The following SLC5A9 variants were observed in gnomAD, a reference collection of about 807,000 sequenced individuals.
The protein encoded by SLC5A9 is solute carrier family 5 member 9, also known as sodium/glucose cotransporter 4.
Under a neutral mutation model 70.9 loss-of-function variants are expected in SLC5A9, and 59 were observed. The ratio of observed to expected loss-of-function variants is 0.83; its 90% CI spans 0.68 to 1.03. The LOEUF is 1.03. Among genes scored for constraint, SLC5A9 ranks in the 50% least tolerant of loss-of-function variants. The pLI, the probability that SLC5A9 is intolerant of heterozygous loss-of-function variation, is 0.00. For synonymous variants in SLC5A9, 340 were observed against 346.5 expected (o/e 0.98, Z 0.21); for missense variants, 832 against 881.1 (o/e 0.94, Z 0.71).
In SLC5A9 at chr1:48,233,046, AAAAAG is replaced by A. The variant is rs1445380524; in HGVS notation, c.1033+559_1033+563del. Among the ~76,000 whole-genome samples the A allele has an allele frequency of 5.9e-5, 9 of 151,574 alleles. No individual in the cohort carries two copies. In the South Asian group the frequency reaches 8.3e-4, roughly 14 times the overall value. On this transcript the variant is annotated intron_variant, in intron 8 of 13. Transcript: ENST00000438567. ...AGGGAGGGAGGGAGGGAAAGGAAAG[AAAAAG>A]AAAAGAAAAGAAAAAAGAAAAGAAA...
Position 48,237,946 on chromosome 1 carries a change from C to T in SLC5A9, c.1461+99C>T, listed in dbSNP as rs1316821725. 5 of 1,264,154 alleles carry T rather than the reference C, an allele frequency of 4.0e-6. No individual in the cohort carries two copies. In the East Asian group the frequency reaches 1.0e-4, roughly 26 times the overall value. 78.3% of individuals were successfully genotyped at this position (1,264,154 alleles called of 1,614,324 possible). On this transcript the variant is annotated intron_variant, in intron 11 of 13. Transcript: ENST00000438567. ...GTGACCTTGAGAAAATCCACTTCCC[C>T]TCTAGGCTTCCATTTTCCTGACCAC...
At chr1:48,223,575 C>T (rs1299692914) in intron 1 of SLC5A9, among the ~76,000 whole-genome samples, 1 of 152,176 alleles carries the variant, frequency 6.6e-6, no homozygotes, top group Non-Finnish European at 1.5e-5. Flanking sequence ...TGGCACGGTG[C>T]CTGGTGCCCG....
Position 48,245,155 on chromosome 1 carries a change from G to T in SLC5A9, c.1838-2180G>T, listed in dbSNP as rs548447283. 2.7e-5 allele frequency among the ~76,000 whole-genome samples: 4 copies of T among 150,814 alleles called. No individual in the cohort carries two copies. In the South Asian group the frequency reaches 8.4e-4, roughly 32 times the overall value. On this transcript the variant is annotated intron_variant, in intron 13 of 13. Coordinates refer to ENST00000438567, the MANE Select transcript of SLC5A9 (RefSeq NM_001011547.3). ...GGTCCTGAGCCTTGTAAAACTTACG[G>T]TATTGAAGAAAGCAATCTGAGAGCA...
intron 12 of SLC5A9, among the ~76,000 whole-genome samples, chr1:48,241,733 T>C (rs1384430145): frequency 6.6e-6 from 1 of 152,120 alleles, no homozygotes; most frequent in East Asian, 1.9e-4. Flanking sequence ...TCTCTTTCTC[T>C]ATCTCTTTCT....
chr1:48,247,939 G>C lies in SLC5A9; in HGVS notation c.*396G>C. The C allele has an allele frequency of 4.9e-6, 1 of 204,664 alleles. No homozygotes were observed. 12.7% of individuals were successfully genotyped at this position (204,664 alleles called of 1,614,324 possible). ...GGAAGAAATTTGCAAAAATCCAAGA[G>C]CACCTTTGCTCCCCCTTATCCTCCT... is the stretch of plus-strand genomic sequence containing the variant. On this transcript the variant is annotated 3_prime_UTR_variant, in exon 14 of 14. Transcript: ENST00000438567.
At chr1:48,238,203 G>A (rs960319529) in intron 11 of SLC5A9, among the ~76,000 whole-genome samples, 2 of 152,166 alleles carry the variant, frequency 1.3e-5, no homozygotes, top group African/African-American at 4.8e-5. Flanking sequence ...CTTCCTGGAT[G>A]AAGTGACATC....
At chr1:48,241,883 C>T (rs1644395392) in intron 12 of SLC5A9, 1 of 455,808 alleles carries the variant, frequency 2.2e-6, no homozygotes, top group South Asian at 1.5e-5. Context: ...CCATGTCCCT[C>T]ACCTGGCTCT....
Position 48,222,851 on chromosome 1 carries a change from A to C in SLC5A9, c.115A>C (p.Ser39Arg), listed in dbSNP as rs760024732. 2.5e-6 allele frequency: 4 copies of C among 1,613,992 alleles called. No homozygotes were observed. The highest frequency in any genetic ancestry group is 3.4e-6 in the Non-Finnish European group (4 of 1,180,044). The change falls in exon 1 of 14, where the codon AGC becomes CGC. Residue 39 changes from serine to arginine, a missense_variant. Coordinates refer to ENST00000438567, the MANE Select transcript of SLC5A9 (RefSeq NM_001011547.3). ...SRVGLHAYDI[S>R]VVVIYFVFVI... ...AGTTGGTCTGCACGCCTACGACATC[A>C]GCGTGGTGGTCATCTACTTTGTCTT...
At chr1:48,233,600 C>G in intron 8 of SLC5A9, 55 bp from the exon 9 acceptor site, 1 of 1,424,436 alleles carries the variant, frequency 7.0e-7, no homozygotes, top group Non-Finnish European at 9.8e-7. Flanking sequence ...AAATACTAGG[C>G]CAACCTGAGA....
At chr1:48,235,924 T>C (rs1341656444) in intron 10 of SLC5A9, 45 bp downstream of exon 10, 5 of 1,611,766 alleles carry the variant, frequency 3.1e-6, no homozygotes, top group Non-Finnish European at 4.2e-6. Context: ...CCCTCTCCCC[T>C]CTGCCCTGCC....
At chr1:48,244,617 T>C (rs1455718720) in intron 13 of SLC5A9, among the ~76,000 whole-genome samples, 1 of 149,272 alleles carries the variant, frequency 6.7e-6, no homozygotes, top group Non-Finnish European at 1.5e-5. Flanking sequence ...AAAACCCACA[T>C]AGGCTCACTT....
chr1:48,247,487 A>T lies in SLC5A9; in HGVS notation c.1990A>T (p.Ile664Phe). ...EEPLWRHVCN[I>F]NAVLLLAINI... ...GCCACTCTGGAGACATGTCTGCAAC[A>T]TCAATGCTGTCCTTTTGCTGGCCAT... Residue 664 changes from isoleucine to phenylalanine, a missense_variant, in exon 14 of 14, where the codon ATC (isoleucine) becomes TTC (phenylalanine). Physicochemically the swap from Ile to Phe is conservative, Grantham distance 21. Transcript: ENST00000438567. The T allele has an allele frequency of 6.2e-7, 1 of 1,614,202 alleles. No homozygotes were observed. Among genetic ancestry groups the T allele is most frequent in the South Asian group, 1.1e-5 (1 of 91,088 alleles).
intron 2 of SLC5A9, among the ~76,000 whole-genome samples, chr1:48,226,452 G>A (rs1345424467): frequency 6.6e-6 from 1 of 152,158 alleles, no homozygotes; most frequent in East Asian, 1.9e-4. Flanking sequence ...GGCACCCAGT[G>A]GGAAAGAGAG....
At chr1:48,227,445 TA>T (rs1644176863) in intron 2 of SLC5A9, among the ~76,000 whole-genome samples, 1 of 79,794 alleles carries the variant, frequency 1.3e-5, no homozygotes, top group Non-Finnish European at 3.0e-5. Context: ...TGTGTGTGTG[TA>T]TGTGTGAGAG....
At chr1:48,229,021 T>G in intron 3 of SLC5A9, 67 bp downstream of exon 3, 1 of 1,613,604 alleles carries the variant, frequency 6.2e-7, no homozygotes, top group South Asian at 1.1e-5. Context: ...CTGGCATTAG[T>G]GCTGGGAGGA....
chr1:48,233,828 A>C, intron 9 of SLC5A9, 66 bp downstream of exon 9: 1 of 1,166,116 alleles, frequency 8.6e-7, no homozygotes, highest in Non-Finnish European at 1.3e-6. Context: ...TCCACTGCCC[A>C]GGAGGGAAGG....
In SLC5A9 at chr1:48,242,578, C is replaced by A. The variant is rs78427303; in HGVS notation, c.1799C>A (p.Ala600Glu). ...GGGGAGTGCCCTGCAGGAGGTGGAG[C>A]GGCAGAGAACTCGAGCCTGGGCCAG... ...PAGECPAGGG[A>E]AENSSLGQEQ... The change falls in exon 13 of 14, where the codon GCG becomes GAG. Residue 600 changes from alanine to glutamate, a missense_variant. Physicochemically the swap from Ala to Glu is moderately radical, Grantham distance 107 (BLOSUM62 -1). Coordinates refer to ENST00000438567, the MANE Select transcript of SLC5A9 (RefSeq NM_001011547.3). The A allele has an allele frequency of 6.2e-7, 1 of 1,612,220 alleles. No individual in the cohort carries two copies. Among genetic ancestry groups the A allele is most frequent in the African/African-American group, 1.3e-5 (1 of 74,860 alleles).
intron 13 of SLC5A9, 57 bp downstream of exon 13, chr1:48,242,673 A>G: frequency 6.7e-7 from 1 of 1,491,062 alleles, no homozygotes; most frequent in Non-Finnish European, 9.0e-7. Context: ...GGACAGACCT[A>G]TGTCATGGGC....
At chr1:48,229,166 G>C (rs1376878068) in intron 3 of SLC5A9, 129 bp from the exon 4 acceptor site, 2 of 1,614,054 alleles carry the variant, frequency 1.2e-6, no homozygotes. Flanking sequence ...GAGGACTGGG[G>C]TCAGGTCCCA....
Sources: gnomAD v4.1 joint callset for allele counts (sites outside exome capture counted in the v4.1 genomes callset) on GRCh38, gnomAD v4.1.1 for gene constraint, MANE v1.5 for transcripts, NCBI Gene and HGNC (gene_info 2026-07-23, HGNC 2026-07-21) for gene names.